The following ELK4 variants were observed in gnomAD, a reference collection of about 807,000 sequenced individuals.
ELK4 encodes the protein ETS domain-containing protein Elk-4.
Under a neutral mutation model 29.6 loss-of-function variants are expected in ELK4, and 16 were observed. That is an observed-to-expected ratio of 0.54 (90% CI 0.37 to 0.82). The LOEUF (loss-of-function observed/expected upper bound fraction) is 0.82, where lower values mean the gene tolerates loss of function less well. Among genes scored for constraint, ELK4 ranks in the 40% least tolerant of loss-of-function variants. The pLI is 0.00. For missense variants in ELK4, 465 were observed against 507.1 expected, an observed-to-expected ratio of 0.92 and a Z score of 0.80; for synonymous variants, 213 against 191.1, an observed-to-expected ratio of 1.11 and a Z score of -0.95.
chr1:205,626,663 T>G (rs1390908394), intron 1 of ELK4, among the ~76,000 whole-genome samples: 2 of 152,202 alleles, frequency 1.3e-5, no homozygotes, highest in Non-Finnish European at 2.9e-5. Context: ...AAGGCTATAA[T>G]CAAGACAGAC....
Position 205,614,794 on chromosome 1 carries a change from A to C in ELK4, c.*1752T>G. ...AAGTTCTTACTTCTTCATTTAGTTC[A>C]TGTGATTCTACAGGATTAGAAGACG... On this transcript the variant is annotated 3_prime_UTR_variant, in exon 5 of 5. Coordinates refer to ENST00000357992, the MANE Select transcript of ELK4 (RefSeq NM_001973.4). 1 of 226,894 alleles carries C rather than the reference A, an allele frequency of 4.4e-6. No individual in the cohort carries two copies. The highest frequency in any genetic ancestry group is 8.8e-6 in the Non-Finnish European group (1 of 114,092). The allele number at this position is 226,894 out of a possible 1,614,324, so 14.1% of individuals were successfully genotyped here. A position where few individuals can be genotyped will look rare whatever the true frequency, so the allele number is the denominator to read the frequency against.
At chr1:205,631,460 G>A (rs1349168723) in intron 1 of ELK4, among the ~76,000 whole-genome samples, 172 bp downstream of exon 1, 1 of 151,282 alleles carries the variant, frequency 6.6e-6, no homozygotes, top group Non-Finnish European at 1.5e-5. Flanking sequence ...CCACCTGTGC[G>A]CCGCGGTGCC....
At chr1:205,626,591 T>C (rs1670468855) in intron 1 of ELK4, among the ~76,000 whole-genome samples, 1 of 152,050 alleles carries the variant, frequency 6.6e-6, no homozygotes, top group South Asian at 2.1e-4. Flanking sequence ...ATGCTCTACA[T>C]AATTAGTTAT....
rs190111286 is a variant in ELK4, at chr1:205,617,245, A to C, written c.1198-601T>G. 1.9e-4 allele frequency among the ~76,000 whole-genome samples: 29 copies of C among 152,332 alleles called. No individual in the cohort carries two copies. The East Asian group carries it at 5.2e-3, about 27-fold the overall frequency. Reference sequence around the variant, plus strand: ...ACTTTTTTTTCTATTCAATAATTTTAAACGTTGGCAAAAAATAAAAAGCAG... The same window carrying C: ...ACTTTTTTTTCTATTCAATAATTTTCAACGTTGGCAAAAAATAAAAAGCAG... On this transcript the variant is annotated intron_variant, in intron 4 of 4. Coordinates refer to ENST00000357992, the MANE Select transcript of ELK4 (RefSeq NM_001973.4).
At chr1:205,617,812 A>G (rs1187845423) in intron 4 of ELK4, among the ~76,000 whole-genome samples, 4 of 152,098 alleles carry the variant, frequency 2.6e-5, no homozygotes, top group Non-Finnish European at 5.9e-5. Flanking sequence ...GAGGCAGGAG[A>G]ACCGCTTGAA....
chr1:205,617,186 G>C (rs567411568), intron 4 of ELK4, among the ~76,000 whole-genome samples: 1 of 152,172 alleles, frequency 6.6e-6, no homozygotes, highest in African/African-American at 2.4e-5. Flanking sequence ...ATCTGCTCAT[G>C]TGTGGCAATG....
intron 2 of ELK4, among the ~76,000 whole-genome samples, chr1:205,621,216 A>G (rs959277345): frequency 6.6e-6 from 1 of 150,650 alleles, no homozygotes; most frequent in Non-Finnish European, 1.5e-5. Context: ...AAAAAAAAAA[A>G]AAAGAAAAAG....
chr1:205,629,651 A>G (rs1670538570), intron 1 of ELK4, among the ~76,000 whole-genome samples: 1 of 152,180 alleles, frequency 6.6e-6, no homozygotes, highest in Non-Finnish European at 1.5e-5. Flanking sequence ...CAGGAGGCGG[A>G]GGTCACAGTG....
intron 1 of ELK4, among the ~76,000 whole-genome samples, chr1:205,627,782 G>A (rs528670795): frequency 6.6e-6 from 1 of 152,344 alleles, no homozygotes; most frequent in South Asian, 2.1e-4. Flanking sequence ...GTGGAAAATA[G>A]TTGGGTTTCT....
Position 205,612,758 on chromosome 1 carries a change from T to C in ELK4, c.*3788A>G, listed in dbSNP as rs750401968. The C allele has an allele frequency of 4.7e-4, 99 of 210,216 alleles. No individual in the cohort carries two copies. Among genetic ancestry groups the C allele is most frequent in the Admixed American group, 1.1e-3 (19 of 16,970 alleles). The allele number at this position is 210,216 out of a possible 1,614,324, so 13.0% of individuals were successfully genotyped here. A position where few individuals can be genotyped will look rare whatever the true frequency, so the allele number is the denominator to read the frequency against. Reference sequence around the variant, plus strand: ...AATGCAGGGGTGAATGGAACTGAAGTGATACTATCAACAGCCTGGAGTTAC... The same window carrying C: ...AATGCAGGGGTGAATGGAACTGAAGCGATACTATCAACAGCCTGGAGTTAC... On this transcript the variant is annotated 3_prime_UTR_variant, in exon 5 of 5. Coordinates refer to ENST00000357992, the MANE Select transcript of ELK4 (RefSeq NM_001973.4).
In ELK4 at chr1:205,609,524, A is replaced by G. The variant is rs1670123132; in HGVS notation, c.*7022T>C. On this transcript the variant is annotated 3_prime_UTR_variant, in exon 5 of 5. Transcript: ENST00000357992. ...TTCTTTTCTATCTTTACATATACGC[A>G]TCTGTCAATTTCACTAATACTGAAC... is the stretch of plus-strand genomic sequence containing the variant. 1 of 193,976 alleles carries G rather than the reference A, an allele frequency of 5.2e-6. No individual in the cohort carries two copies. Among genetic ancestry groups the G allele is most frequent in the African/African-American group, 2.3e-5 (1 of 43,196 alleles). 12.0% of individuals were successfully genotyped at this position (193,976 alleles called of 1,614,324 possible). A position where few individuals can be genotyped will look rare whatever the true frequency, so the allele number is the denominator to read the frequency against.
chr1:205,626,725 T>C (rs1462315672), intron 1 of ELK4, among the ~76,000 whole-genome samples: 1 of 152,174 alleles, frequency 6.6e-6, no homozygotes, highest in Non-Finnish European at 1.5e-5. Context: ...CCCTTGTACA[T>C]TGCTGGTGGG....
chr1:205,610,615 A>C lies in ELK4; in HGVS notation c.*5931T>G, dbSNP rs958547659. 4.3e-6 allele frequency: 1 copy of C among 230,416 alleles called. No homozygotes were observed. Among genetic ancestry groups the C allele is most frequent in the African/African-American group, 2.2e-5 (1 of 45,210 alleles). The allele number at this position is 230,416 out of a possible 1,614,324, so 14.3% of individuals were successfully genotyped here. A position where few individuals can be genotyped will look rare whatever the true frequency, so the allele number is the denominator to read the frequency against. On this transcript the variant is annotated 3_prime_UTR_variant, in exon 5 of 5. Coordinates refer to ENST00000357992, the MANE Select transcript of ELK4 (RefSeq NM_001973.4). ...CACATGTAAGCAGTGTATTTCTAAA[A>C]TGTTGGTGAGCAATTCATCTTTAAG...
rs576128318 is a variant in ELK4 at position 205,614,341 on chromosome 1, C to T, written c.*2205G>A. The stretch of plus-strand genomic sequence containing the variant: ...ATACCTTTGTGCTTTCAAAATTTAA[C>T]ACATCTAGTTAAATCAACCATCTAT... On this transcript the variant is annotated 3_prime_UTR_variant, in exon 5 of 5. Coordinates refer to ENST00000357992, the MANE Select transcript of ELK4 (RefSeq NM_001973.4). 4.9e-5 allele frequency: 11 copies of T among 224,354 alleles called. No individual in the cohort carries two copies. The East Asian group carries it at 7.2e-4, about 15-fold the overall frequency. The allele number at this position is 224,354 out of a possible 1,614,324, so 13.9% of individuals were successfully genotyped here. A position where few individuals can be genotyped will look rare whatever the true frequency, so the allele number is the denominator to read the frequency against.
Position 205,615,028 on chromosome 1 carries a change from C to A in ELK4, c.*1518G>T, listed in dbSNP as rs1312093228. 5.0e-6 allele frequency: 1 copy of A among 199,338 alleles called. No homozygotes were observed. Among genetic ancestry groups the A allele is most frequent in the African/African-American group, 2.3e-5 (1 of 43,350 alleles). The allele number at this position is 199,338 out of a possible 1,614,324, so 12.3% of individuals were successfully genotyped here. On this transcript the variant is annotated 3_prime_UTR_variant, in exon 5 of 5. Transcript: ENST00000357992. ...TTGGTAATGTAGAGAATAAGGCCTA[C>A]ATTTTTTACTACTAATATGAACAAT...
At chr1:205,630,853 G>A (rs910041143) in intron 1 of ELK4, among the ~76,000 whole-genome samples, 14 of 152,166 alleles carry the variant, frequency 9.2e-5, no homozygotes, top group Non-Finnish European at 5.9e-5. Context: ...TAGGGGGTGG[G>A]AAAAGACGAC....
At position 205,620,671 on chromosome 1, in the gene ELK4, T is replaced by C; in HGVS notation, c.375A>G (p.Lys125=). The change falls in exon 3 of 5, where the codon AAA becomes AAG. Residue 125 remains lysine (K), a synonymous_variant. Transcript: ENST00000357992. ...TGGCACCAGGCTGAGGTGGTTTATC[T>C]TTCCCTCCATTCTCCACATCTTTGG... ...SSSKDVENGG[K]DKPPQPGAKT... is the part of the protein sequence containing the mutation. 2 of 1,614,188 alleles carry C rather than the reference T, an allele frequency of 1.2e-6. No homozygotes were observed. The highest frequency in any genetic ancestry group is 1.7e-6 in the Non-Finnish European group (2 of 1,180,022).
rs1262805400 is a variant in ELK4 at position 205,613,518 on chromosome 1, T to A, written c.*3028A>T. 5.4e-6 allele frequency: 1 copy of A among 183,746 alleles called. No homozygotes were observed. Among genetic ancestry groups the A allele is most frequent in the African/African-American group, 2.4e-5 (1 of 42,482 alleles). 11.4% of individuals were successfully genotyped at this position (183,746 alleles called of 1,614,324 possible). A position where few individuals can be genotyped will look rare whatever the true frequency, so the allele number is the denominator to read the frequency against. On this transcript the variant is annotated 3_prime_UTR_variant, in exon 5 of 5. Transcript: ENST00000357992. The stretch of plus-strand genomic sequence containing the variant: ...ACTGGCTCTGAGCCAACTGTGCACA[T>A]CCTTTCTGAACTCTAAGGTGGTAGC...
chr1:205,617,343 T>C (rs575582104), intron 4 of ELK4, among the ~76,000 whole-genome samples: 74 of 152,192 alleles, frequency 4.9e-4, no homozygotes, highest in African/African-American at 1.7e-3. Flanking sequence ...TTACAAAATA[T>C]AAGAAAATCA....
Sources: gnomAD v4.1 joint callset for allele counts (sites outside exome capture counted in the v4.1 genomes callset) on GRCh38, gnomAD v4.1.1 for gene constraint, MANE v1.5 for transcripts, NCBI Gene and HGNC (gene_info 2026-07-23, HGNC 2026-07-21) for gene names.